Variants in STK33 observed in about 807,000 individuals in gnomAD.
STK33 encodes serine/threonine-protein kinase 33.
Under a neutral mutation model 58.0 loss-of-function variants are expected in STK33, and 52 were observed. The observed-to-expected ratio is 0.90, with a 90% CI of 0.72 to 1.13. The LOEUF (loss-of-function observed/expected upper bound fraction) is 1.13, where lower values mean the gene tolerates loss of function less well. STK33 is among the 50% of genes most tolerant of loss of function. The probability of loss-of-function intolerance (pLI) is 0.00; values close to 1 mark genes in which losing one functional copy is unlikely to be tolerated. For missense variants in STK33, 630 were observed against 604.2 expected (o/e 1.04, Z -0.45); for synonymous variants, 215 against 200.1 (o/e 1.07, Z -0.63).
At chr11:8,516,671 T>C (rs924071655) in intron 1 of STK33, among the ~76,000 whole-genome samples, 3 of 152,226 alleles carry the variant, frequency 2.0e-5, no homozygotes, top group East Asian at 1.9e-4. Context: ...GCAAATGGCA[T>C]ACCAGGAGAT....
chr11:8,382,201 C>T, the STK33 span, among the ~76,000 whole-genome samples: 2,494 of 152,308 alleles, frequency 0.016, 90 homozygotes, highest in African/African-American at 0.056. Flanking sequence ...TGCTGTGTCA[C>T]GCTACATTGG....
intron 1 of STK33, among the ~76,000 whole-genome samples, chr11:8,572,134 C>A (rs1957871817): frequency 6.6e-6 from 1 of 151,532 alleles, no homozygotes; most frequent in Non-Finnish European, 1.5e-5. Context: ...AACAGCCTTG[C>A]AAGAAAAAGA....
intron 15 of STK33, among the ~76,000 whole-genome samples, chr11:8,408,673 C>T (rs1271439236): frequency 6.6e-6 from 1 of 152,198 alleles, no homozygotes; most frequent in East Asian, 1.9e-4. Context: ...CAATCACCCC[C>T]AGGTTCAATG....
intron 1 of STK33, among the ~76,000 whole-genome samples, chr11:8,575,980 C>T (rs1392346735): frequency 6.6e-6 from 1 of 151,966 alleles, no homozygotes; most frequent in Admixed American, 6.6e-5. Flanking sequence ...AGATTCCTCA[C>T]CAAGGGATAT....
At chr11:8,428,054 C>A (rs1395655924) in intron 14 of STK33, among the ~76,000 whole-genome samples, 2 of 152,150 alleles carry the variant, frequency 1.3e-5, no homozygotes, top group East Asian at 3.9e-4. Context: ...AAACCTGCCC[C>A]ACTAAGCAAC....
At chr11:8,407,044 G>A (rs1384880540) in intron 15 of STK33, among the ~76,000 whole-genome samples, 1 of 151,552 alleles carries the variant, frequency 6.6e-6, no homozygotes, top group Non-Finnish European at 1.5e-5. Context: ...GTCTGCAGAG[G>A]ATTTTCTCAT....
intron 5 of STK33, 38 bp from the exon 6 acceptor site, chr11:8,473,314 A>C: frequency 8.2e-7 from 1 of 1,225,624 alleles, no homozygotes; most frequent in Non-Finnish European, 1.2e-6. Context: ...AAAAACTTTA[A>C]GATGTAATAT....
chr11:8,435,960 A>G (rs1204841470), intron 13 of STK33, 67 bp downstream of exon 13: 1 of 926,626 alleles, frequency 1.1e-6, no homozygotes, highest in Non-Finnish European at 1.5e-6. Flanking sequence ...AAAACATTTT[A>G]ACCACAGGCC....
chr11:8,405,246 T>G (rs968119344), intron 15 of STK33, among the ~76,000 whole-genome samples: 3 of 152,224 alleles, frequency 2.0e-5, no homozygotes, highest in Non-Finnish European at 4.4e-5. Flanking sequence ...TGCCAATATC[T>G]GGACTTGTTA....
At chr11:8,382,606 G>T in the STK33 span, among the ~76,000 whole-genome samples, 1 of 152,188 alleles carries the variant, frequency 6.6e-6, no homozygotes, top group African/African-American at 2.4e-5. Context: ...GGGACATGCA[G>T]CTTACACAGA....
chr11:8,572,045 T>TAAATTTTAATTTAAAAAAATAAATTAAAA lies in STK33; in HGVS notation c.-466+22037_-466+22038insTTTTAATTTATTTTTTTAAATTAAAATTT, dbSNP rs1565393832. Among the ~76,000 whole-genome samples, 3 of 62,218 alleles carry TAAATTTTAATTTAAAAAAATAAATTAAAA rather than the reference T, an allele frequency of 4.8e-5. 1 individual carries two copies. Among genetic ancestry groups the TAAATTTTAATTTAAAAAAATAAATTAAAA allele is most frequent in the African/African-American group, 9.4e-5 (1 of 10,692 alleles). The allele number at this position is 62,218 out of a possible 152,430, so 40.8% of individuals were successfully genotyped here. On this transcript the variant is annotated intron_variant, in intron 1 of 15. Coordinates refer to ENST00000687296, the MANE Select transcript of STK33 (RefSeq NM_001352389.2). ...TTTTAATTTTAAAAAATAAATTAAT[T>TAAATTTTAATTTAAAAAAATAAATTAAAA]AATTAATTAATTTTAAAATTAAAAA...
At chr11:8,463,783 G>A (rs1391748245) in intron 7 of STK33, among the ~76,000 whole-genome samples, 1 of 152,090 alleles carries the variant, frequency 6.6e-6, no homozygotes, top group Non-Finnish European at 1.5e-5. Context: ...TCCTAAAGTT[G>A]CAAGTAGGTA....
intron 15 of STK33, among the ~76,000 whole-genome samples, chr11:8,403,735 C>T (rs1938568925): frequency 6.6e-6 from 1 of 152,160 alleles, no homozygotes; most frequent in South Asian, 2.1e-4. Flanking sequence ...TATTATTAAT[C>T]TTGAAAAGGG....
chr11:8,486,095 C>T (rs1467983833), intron 1 of STK33, among the ~76,000 whole-genome samples: 1 of 152,166 alleles, frequency 6.6e-6, no homozygotes, highest in Non-Finnish European at 1.5e-5. Flanking sequence ...AACTGGTCAA[C>T]CTGACTCCAA....
intron 1 of STK33, among the ~76,000 whole-genome samples, chr11:8,491,245 T>G (rs1218529914): frequency 6.6e-6 from 1 of 152,142 alleles, no homozygotes; most frequent in Non-Finnish European, 1.5e-5. Context: ...AGAAAAGAAC[T>G]TAAATGACCT....
the STK33 span, among the ~76,000 whole-genome samples, chr11:8,383,171 T>C: frequency 2.0e-5 from 3 of 151,996 alleles, no homozygotes; most frequent in Non-Finnish European, 2.9e-5. Flanking sequence ...CCAGATGAAC[T>C]AGAATGAAGG....
chr11:8,545,071 T>C (rs1955811814), intron 1 of STK33, among the ~76,000 whole-genome samples: 1 of 152,194 alleles, frequency 6.6e-6, no homozygotes, highest in African/African-American at 2.4e-5. Context: ...GGGAAATGAT[T>C]TTTAATAAAA....
intron 1 of STK33, among the ~76,000 whole-genome samples, chr11:8,537,809 CA>C (rs11367717): frequency 0.58 from 68,121 of 117,994 alleles, 16,635 homozygotes; most frequent in Middle Eastern, 0.67. Context: ...GACTCTGTTT[CA>C]AAAAAAAAAA....
At chr11:8,371,648 CTTTT>C in the STK33 span, among the ~76,000 whole-genome samples, 2 of 149,122 alleles carry the variant, frequency 1.3e-5, no homozygotes. Flanking sequence ...TTCTTCCTTT[CTTTT>C]CTTTTCTTTC....
Sources: gnomAD v4.1 joint callset for allele counts (sites outside exome capture counted in the v4.1 genomes callset) on GRCh38, gnomAD v4.1.1 for gene constraint, MANE v1.5 for transcripts, NCBI Gene and HGNC (gene_info 2026-07-23, HGNC 2026-07-21) for gene names.